Variants in MBD4 observed in about 807,000 individuals in gnomAD.
MBD4 encodes methyl-CpG-binding domain protein 4.
A neutral mutation model predicts 60.2 loss-of-function variants in MBD4; 53 were observed. That is an observed-to-expected ratio of 0.88 (90% CI 0.71 to 1.11). The LOEUF is 1.11. Ranked by LOEUF, MBD4 falls within the 50% of genes least tolerant of loss-of-function variation. The pLI is 0.00. For missense variants in MBD4, 619 were observed against 674.0 expected (o/e 0.92, Z 0.90); for synonymous variants, 231 against 229.8 (o/e 1.01, Z -0.05).
chr3:129,432,745 T>C, intron 6 of MBD4, 139 bp from the exon 7 acceptor site: 1 of 832,284 alleles, frequency 1.2e-6, no homozygotes. Flanking sequence ...TTGTGATTAC[T>C]CTTCCTTCTG....
Position 129,437,851 on chromosome 3 carries a change from G to C in MBD4, c.204C>G (p.Pro68=), listed in dbSNP as rs543661851. The change falls in exon 2 of 8, where the codon CCC becomes CCG. Residue 68 remains proline, a synonymous_variant. Coordinates refer to ENST00000429544, the MANE Select transcript of MBD4 (RefSeq NM_001276270.2). ...TAGCACCAAACTGAGCAGAAGCGATGGGTTCTTGTAGCAAGGGATTACATT... is the reference window on the plus strand; with the variant it reads ...TAGCACCAAACTGAGCAGAAGCGATCGGTTCTTGTAGCAAGGGATTACATT... ...SSECNPLLQE[P]IASAQFGATA... 1.2e-6 allele frequency: 2 copies of C among 1,613,948 alleles called. No homozygotes were observed. The highest frequency in any genetic ancestry group is 2.7e-5 in the African/African-American group (2 of 75,046).
chr3:129,433,585 G>A, intron 5 of MBD4: 1 of 584,914 alleles, frequency 1.7e-6, no homozygotes, highest in African/African-American at 1.9e-5. Context: ...ACATGAAAGA[G>A]GGTGGAGAAA....
At position 129,433,133 on chromosome 3, in the gene MBD4, T is replaced by G; in HGVS notation, c.1508A>C (p.Tyr503Ser). 1 of 1,614,242 alleles carries G rather than the reference T, an allele frequency of 6.2e-7. No individual in the cohort carries two copies. The highest frequency in any genetic ancestry group is 8.5e-7 in the Non-Finnish European group (1 of 1,180,046). The change falls in exon 6 of 8, where the codon TAC (tyrosine) becomes TCC (serine). Residue 503 changes from tyrosine (Y) to serine (S), a missense_variant. Transcript: ENST00000429544. The stretch of plus-strand genomic sequence containing the variant: ...GACAATGGTTTTTGCCCGAAGATCG[T>G]AGAGACCAAGAGGTTTAAGAAGTTC... The part of the protein sequence containing the change: ...VSELLKPLGL[Y>S]DLRAKTIVKF...
rs2072695675 is a variant in MBD4 at position 129,439,740 on chromosome 3, TCGG to T, written c.91_93del (p.Pro31del). On this transcript the variant is annotated inframe_deletion, in exon 1 of 8. Coordinates refer to ENST00000429544, the MANE Select transcript of MBD4 (RefSeq NM_001276270.2). ...GGGACAGTAACTTACCGGAGGTCAT[TCGG>T]CGGGTCTGGGACTAGGCGCTCACTA... The T allele has an allele frequency of 6.3e-7, 1 of 1,588,986 alleles. No homozygotes were observed. The highest frequency in any genetic ancestry group is 1.8e-5 in the Admixed American group (1 of 55,530).
In MBD4 at chr3:129,432,599, G is replaced by A. The variant is rs753542266; in HGVS notation, c.1551C>T (p.Tyr517=). Residue 517 remains tyrosine, a synonymous_variant, in exon 7 of 8, where the codon TAC becomes TAT. Coordinates refer to ENST00000429544, the MANE Select transcript of MBD4 (RefSeq NM_001276270.2). The part of the protein sequence containing the change: ...AKTIVKFSDE[Y]LTKQWKYPIE... ...TTGGATACTTCCACTGCTTTGTCAGGTATTCATCTGAAGAATACAACATCC... is the reference window on the plus strand; with the variant it reads ...TTGGATACTTCCACTGCTTTGTCAGATATTCATCTGAAGAATACAACATCC... 6.2e-7 allele frequency: 1 copy of A among 1,614,072 alleles called. No individual in the cohort carries two copies. The highest frequency in any genetic ancestry group is 8.5e-7 in the Non-Finnish European group (1 of 1,179,976).
At chr3:129,434,787 G>A (rs941764671) in intron 3 of MBD4, among the ~76,000 whole-genome samples, 2 of 151,652 alleles carry the variant, frequency 1.3e-5, no homozygotes, top group African/African-American at 2.4e-5. Flanking sequence ...TTACTTTTAC[G>A]CTTACCAAAA....
chr3:129,433,513 T>TA (rs1277948604), intron 5 of MBD4: 2 of 591,740 alleles, frequency 3.4e-6, no homozygotes, highest in Non-Finnish European at 6.0e-6. Flanking sequence ...GATCAGCAGA[T>TA]AATGAGAGTA....
Position 129,439,783 on chromosome 3 carries a change from G to C in MBD4, c.51C>G (p.Ala17=), listed in dbSNP as rs1319701497. The C allele has an allele frequency of 6.2e-7, 1 of 1,609,314 alleles. No homozygotes were observed. The highest frequency in any genetic ancestry group is 1.3e-5 in the African/African-American group (1 of 74,898). The part of the protein sequence containing the change: ...ESLSLGDRGA[A]PTVTSSERLV... The stretch of plus-strand genomic sequence containing the variant: ...GGCGCTCACTAGAGGTGACGGTGGG[G>C]GCAGCTCCGCGGTCCCCCAGACTCA... The change falls in exon 1 of 8, where the codon GCC becomes GCG. Residue 17 remains alanine, a synonymous_variant. Transcript: ENST00000429544.
chr3:129,433,132 G>T lies in MBD4; in HGVS notation c.1509C>A (p.Tyr503Ter). 1 of 1,614,196 alleles carries T rather than the reference G, an allele frequency of 6.2e-7. No homozygotes were observed. Among genetic ancestry groups the T allele is most frequent in the Non-Finnish European group, 8.5e-7 (1 of 1,180,026 alleles). ...TGACAATGGTTTTTGCCCGAAGATC[G>T]TAGAGACCAAGAGGTTTAAGAAGTT... is the stretch of plus-strand genomic sequence containing the variant. The part of the protein sequence containing the change: ...VSELLKPLGL[Y>*]DLRAKTIVKF... Residue 503 changes from tyrosine to a stop codon, truncating the protein, a stop_gained, in exon 6 of 8, where the codon TAC (tyrosine) becomes TAA (stop). Coordinates refer to ENST00000429544, the MANE Select transcript of MBD4 (RefSeq NM_001276270.2). LOFTEE classifies it high-confidence loss of function.
rs2107747359 is a variant in MBD4 at position 129,431,319 on chromosome 3, T to C, written c.*182A>G. The C allele has an allele frequency of 1.7e-6, 1 of 594,308 alleles. No individual in the cohort carries two copies. The highest frequency in any genetic ancestry group is 3.0e-6 in the Non-Finnish European group (1 of 332,862). 36.8% of individuals were successfully genotyped at this position (594,308 alleles called of 1,614,324 possible). A position where few individuals can be genotyped will look rare whatever the true frequency, so the allele number is the denominator to read the frequency against. ...TTTATTTTAAAAAAATCTCAAAACA[T>C]GTTCAAACACATTCAGTAGCAAAGA... is the stretch of plus-strand genomic sequence containing the variant. On this transcript the variant is annotated 3_prime_UTR_variant, in exon 8 of 8. Transcript: ENST00000429544.
In MBD4 at chr3:129,439,901, G is replaced by A. The variant is rs2072715149; in HGVS notation, c.-68C>T. The A allele has an allele frequency of 1.8e-6, 2 of 1,119,572 alleles. No homozygotes were observed. The highest frequency in any genetic ancestry group is 2.7e-6 in the Non-Finnish European group (2 of 741,866). The allele number at this position is 1,119,572 out of a possible 1,614,324, so 69.4% of individuals were successfully genotyped here. A position where few individuals can be genotyped will look rare whatever the true frequency, so the allele number is the denominator to read the frequency against. On this transcript the variant is annotated 5_prime_UTR_variant, in exon 1 of 8. Coordinates refer to ENST00000429544, the MANE Select transcript of MBD4 (RefSeq NM_001276270.2). The stretch of plus-strand genomic sequence containing the variant: ...CCCAGGGTGTGGGGCGGAGTAAGAT[G>A]TGAAACCTCTTCAGCTCACGGCACC...
At chr3:129,431,639 T>G (rs1271309020) in intron 7 of MBD4, 61 bp from the exon 8 acceptor site, 11 of 1,275,424 alleles carry the variant, frequency 8.6e-6, no homozygotes, top group South Asian at 4.7e-5. Context: ...GAAATACATT[T>G]TTTAAAATTG....
At chr3:129,435,392 G>C (rs1306673784) in intron 3 of MBD4, among the ~76,000 whole-genome samples, 2 of 152,158 alleles carry the variant, frequency 1.3e-5, no homozygotes, top group African/African-American at 2.4e-5. Flanking sequence ...CTCGTACTAA[G>C]AGTACTTCAT....
chr3:129,438,040 A>G (rs1027878493), intron 1 of MBD4, 90 bp from the exon 2 acceptor site: 1 of 774,162 alleles, frequency 1.3e-6, no homozygotes, highest in South Asian at 1.5e-5. Context: ...CAGGAACCAC[A>G]TAGATTATCC....
Position 129,436,669 on chromosome 3 carries a change from A to C in MBD4, c.975T>G (p.Ser325=), listed in dbSNP as rs757130015. The change falls in exon 3 of 8, where the codon TCT becomes TCG. Residue 325 remains serine, a synonymous_variant. Coordinates refer to ENST00000429544, the MANE Select transcript of MBD4 (RefSeq NM_001276270.2). ...RSLSSGSNFC[S]EQKTSGIINK... ...TTATGATGCCAGAAGTTTTTTGTTCAGAACAAAAATTTGATCCTGAACTCA... is the reference window on the plus strand; with the variant it reads ...TTATGATGCCAGAAGTTTTTTGTTCCGAACAAAAATTTGATCCTGAACTCA... 6.2e-7 allele frequency: 1 copy of C among 1,614,120 alleles called. No homozygotes were observed. The highest frequency in any genetic ancestry group is 8.5e-7 in the Non-Finnish European group (1 of 1,180,022).
In MBD4 at chr3:129,437,965, T is replaced by C. The variant is rs745532780; in HGVS notation, c.105-15A>G. 2.4e-5 allele frequency: 35 copies of C among 1,465,990 alleles called. No homozygotes were observed. In the Admixed American group the frequency reaches 5.9e-4, roughly 25 times the overall value. 90.8% of individuals were successfully genotyped at this position (1,465,990 alleles called of 1,614,324 possible). A position where few individuals can be genotyped will look rare whatever the true frequency, so the allele number is the denominator to read the frequency against. On this transcript the variant is annotated splice_polypyrimidine_tract_variant and intron_variant, in intron 1 of 7. Coordinates refer to ENST00000429544, the MANE Select transcript of MBD4 (RefSeq NM_001276270.2). ...CATCTTCTTTGCTGGAAAAACAAAG[T>C]CTAAGTGATTAACTTATTTAAAATT...
At chr3:129,432,272 C>A in intron 7 of MBD4, 1 of 1,460,362 alleles carries the variant, frequency 6.8e-7, no homozygotes, top group Admixed American at 2.4e-5. Flanking sequence ...GGTGACAAAC[C>A]ACTGGAGATG....
Position 129,436,477 on chromosome 3 carries a change from G to A in MBD4, c.1167C>T (p.Thr389=). 1 of 1,614,036 alleles carries A rather than the reference G, an allele frequency of 6.2e-7. No homozygotes were observed. Among genetic ancestry groups the A allele is most frequent in the Non-Finnish European group, 8.5e-7 (1 of 1,179,982 alleles). Residue 389 remains threonine, a synonymous_variant, in exon 3 of 8, where the codon ACC becomes ACT. Coordinates refer to ENST00000429544, the MANE Select transcript of MBD4 (RefSeq NM_001276270.2). The part of the protein sequence containing the change: ...GSEMDNNCSP[T]RKDFTEDTIP... Reference sequence around the variant, plus strand: ...TTTTCTCACCAGTGAAGTCTTTCCTGGTTGGTGAGCAGTTGTTGTCCATTT... The same window carrying A: ...TTTTCTCACCAGTGAAGTCTTTCCTAGTTGGTGAGCAGTTGTTGTCCATTT...
In MBD4 at chr3:129,439,903, G is replaced by T; in HGVS notation, c.-70C>A. 5.5e-6 allele frequency: 6 copies of T among 1,099,506 alleles called. No homozygotes were observed. Among genetic ancestry groups the T allele is most frequent in the Non-Finnish European group, 8.3e-6 (6 of 724,686 alleles). 68.1% of individuals were successfully genotyped at this position (1,099,506 alleles called of 1,614,324 possible). A position where few individuals can be genotyped will look rare whatever the true frequency, so the allele number is the denominator to read the frequency against. On this transcript the variant is annotated 5_prime_UTR_variant, in exon 1 of 8. Transcript: ENST00000429544. ...CAGGGTGTGGGGCGGAGTAAGATGT[G>T]AAACCTCTTCAGCTCACGGCACCGG...
Sources: allele counts gnomAD v4.1 joint callset (sites outside exome capture counted in the v4.1 genomes callset), GRCh38; gene constraint gnomAD v4.1.1; transcripts MANE v1.5; gene names NCBI Gene and HGNC (gene_info 2026-07-23, HGNC 2026-07-21).